ADAM17: variants seen among roughly 807,000 people sequenced by gnomAD.
ADAM17 encodes ADAM metallopeptidase domain 17, also known as disintegrin and metalloproteinase domain-containing protein 17.
Under a neutral mutation model 96.7 loss-of-function variants are expected in ADAM17, and 39 were observed. The ratio of observed to expected loss-of-function variants is 0.40; its 90% confidence interval spans 0.31 to 0.53. The LOEUF is 0.53. ADAM17 is among the 20% of genes least tolerant of loss of function. The pLI is 0.44. For synonymous variants in ADAM17, 344 were observed against 359.2 expected, an observed-to-expected ratio of 0.96 and a Z score of 0.48; for missense variants, 777 against 1,013.2, an observed-to-expected ratio of 0.77 and a Z score of 3.17.
At chr2:9,493,547 CTG>C (rs1361861119) in intron 16 of ADAM17, among the ~76,000 whole-genome samples, 198 bp downstream of exon 16, 1 of 152,202 alleles carries the variant, frequency 6.6e-6, no homozygotes, top group African/African-American at 2.4e-5. Flanking sequence ...GTCAGAAAAT[CTG>C]TGCATCCAAG....
intron 4 of ADAM17, among the ~76,000 whole-genome samples, chr2:9,531,523 A>G (rs922716442): frequency 6.6e-6 from 1 of 151,884 alleles, no homozygotes; most frequent in African/African-American, 2.4e-5. Flanking sequence ...CCAACGTGGC[A>G]AAACCCTGTC....
At chr2:9,543,306 G>C in intron 1 of ADAM17, 21 bp from the exon 2 acceptor site, 1 of 1,566,064 alleles carries the variant, frequency 6.4e-7, no homozygotes, top group Non-Finnish European at 8.6e-7. Context: ...GGTAAAAAAG[G>C]TATTAGCATC....
chr2:9,488,516 T>G lies in ADAM17; in HGVS notation c.*1661A>C. ...TTTCGACAGTATTTATTAATGCAGA[T>G]ATCAGTGCTACAGCTATAAAATATA... On this transcript the variant is annotated 3_prime_UTR_variant, in exon 19 of 19. Transcript: ENST00000310823. 1 of 479,240 alleles carries G rather than the reference T, an allele frequency of 2.1e-6. No homozygotes were observed. Among genetic ancestry groups the G allele is most frequent in the Non-Finnish European group, 3.6e-6 (1 of 274,652 alleles). The allele number at this position is 479,240 out of a possible 1,614,324, so 29.7% of individuals were successfully genotyped here. A position where few individuals can be genotyped will look rare whatever the true frequency, so the allele number is the denominator to read the frequency against.
intron 13 of ADAM17, among the ~76,000 whole-genome samples, chr2:9,500,812 G>C (rs1400182421): frequency 6.6e-6 from 1 of 152,130 alleles, no homozygotes; most frequent in African/African-American, 2.4e-5. Context: ...ACATAGCTTT[G>C]AAATTTTTAA....
chr2:9,525,466 TAAC>T (rs1343032171), intron 6 of ADAM17, among the ~76,000 whole-genome samples: 4 of 152,190 alleles, frequency 2.6e-5, no homozygotes, highest in East Asian at 3.8e-4. Flanking sequence ...ATTCCCTCAG[TAAC>T]AACATTTTGG....
At chr2:9,494,812 T>G (rs767461269) in intron 14 of ADAM17, 45 bp from the exon 15 acceptor site, 1 of 1,605,494 alleles carries the variant, frequency 6.2e-7, no homozygotes, top group Non-Finnish European at 8.5e-7. Context: ...TTCTGAGACC[T>G]GCCTCTCCTC....
chr2:9,525,150 G>A (rs1382572901), intron 6 of ADAM17, among the ~76,000 whole-genome samples: 2 of 152,010 alleles, frequency 1.3e-5, no homozygotes, highest in African/African-American at 4.8e-5. Context: ...CACTTGATAT[G>A]GGGCCGAGTG....
At chr2:9,534,840 T>C (rs1028755099) in intron 4 of ADAM17, among the ~76,000 whole-genome samples, 2 of 152,186 alleles carry the variant, frequency 1.3e-5, no homozygotes, top group Non-Finnish European at 2.9e-5. Context: ...AAAAAATAAA[T>C]TGATTTGAAA....
At chr2:9,492,134 C>CA (rs1021159427) in intron 17 of ADAM17, among the ~76,000 whole-genome samples, 3 of 152,192 alleles carry the variant, frequency 2.0e-5, no homozygotes, top group African/African-American at 7.2e-5. Flanking sequence ...ACTCCTTTGT[C>CA]ATCAGAGTTG....
chr2:9,541,287 GC>G (rs1272247612), intron 2 of ADAM17, among the ~76,000 whole-genome samples: 1 of 152,182 alleles, frequency 6.6e-6, no homozygotes, highest in Non-Finnish European at 1.5e-5. Flanking sequence ...TTTGGGTCGG[GC>G]ACGGTGGCTC....
intron 1 of ADAM17, among the ~76,000 whole-genome samples, chr2:9,555,187 T>C (rs1665701627): frequency 6.6e-6 from 1 of 151,890 alleles, no homozygotes; most frequent in Non-Finnish European, 1.5e-5. Flanking sequence ...CATCTCCCTC[T>C]CCAAACAAGA....
intron 1 of ADAM17, among the ~76,000 whole-genome samples, chr2:9,550,439 C>CTTTTTTTTTTTTTTTTTTTTTT (rs35602755): frequency 1.3e-5 from 1 of 74,164 alleles, no homozygotes; most frequent in African/African-American, 5.7e-5. Flanking sequence ...GATACTCATT[C>CTTTTTTTTTTTTTTTTTTTTTT]TTTTTTTTTT....
At position 9,550,220 on chromosome 2, in the gene ADAM17, A is replaced by G. The variant is rs148663128; in HGVS notation, c.97+5289T>C. Among the ~76,000 whole-genome samples the G allele has an allele frequency of 7.7e-3, 1,166 of 152,200 alleles. 9 individuals are homozygous for G. Among genetic ancestry groups the G allele is most frequent in the Non-Finnish European group, 0.013 (855 of 68,024 alleles). The stretch of plus-strand genomic sequence containing the variant: ...GACCCCAGAGCCTGGGAACTAAACA[A>G]TTTTATGGATTTATACCAGTAAAGG... On this transcript the variant is annotated intron_variant, in intron 1 of 18. Transcript: ENST00000310823.
intron 3 of ADAM17, among the ~76,000 whole-genome samples, chr2:9,536,174 A>C (rs1664952146): frequency 6.6e-6 from 1 of 152,202 alleles, no homozygotes; most frequent in Non-Finnish European, 1.5e-5. Flanking sequence ...CTTCTGGAAT[A>C]ATTTTATCTA....
At chr2:9,514,655 C>T (rs1424124713) in intron 10 of ADAM17, among the ~76,000 whole-genome samples, 8 of 149,192 alleles carry the variant, frequency 5.4e-5, no homozygotes, top group African/African-American at 2.0e-4. Context: ...GGGCAGATCA[C>T]AAGGTCAGGA....
intron 2 of ADAM17, among the ~76,000 whole-genome samples, chr2:9,539,195 C>CCT (rs1665108711): frequency 6.6e-6 from 1 of 151,846 alleles, no homozygotes; most frequent in Non-Finnish European, 1.5e-5. Flanking sequence ...GCAAGCTCCA[C>CCT]CTCCTGGGTT....
intron 2 of ADAM17, 90 bp from the exon 3 acceptor site, chr2:9,536,918 C>T: frequency 7.0e-7 from 1 of 1,421,280 alleles, no homozygotes. Flanking sequence ...AAGCCAGAAG[C>T]ATTGACATTA....
Position 9,543,099 on chromosome 2 carries a change from T to G in ADAM17, c.230+54A>C, listed in dbSNP as rs147481818. ...GTAGATACCCTTACTTTTTTGTTTTTGCCAAACCAAGCCCCCAGTGCCCCA... is the reference window on the plus strand; with the variant it reads ...GTAGATACCCTTACTTTTTTGTTTTGGCCAAACCAAGCCCCCAGTGCCCCA... On this transcript the variant is annotated intron_variant, in intron 2 of 18. Transcript: ENST00000310823. 89 of 1,500,092 alleles carry G rather than the reference T, an allele frequency of 5.9e-5. No homozygotes were observed. In the East Asian group the frequency reaches 2.1e-3, roughly 36 times the overall value. The allele number at this position is 1,500,092 out of a possible 1,614,324, so 92.9% of individuals were successfully genotyped here.
In ADAM17 at chr2:9,488,659, C is replaced by T. The variant is rs1306389097; in HGVS notation, c.*1518G>A. 2 of 177,858 alleles carry T rather than the reference C, an allele frequency of 1.1e-5. No individual in the cohort carries two copies. Among genetic ancestry groups the T allele is most frequent in the African/African-American group, 2.4e-5 (1 of 42,396 alleles). 11.0% of individuals were successfully genotyped at this position (177,858 alleles called of 1,614,324 possible). A position where few individuals can be genotyped will look rare whatever the true frequency, so the allele number is the denominator to read the frequency against. ...GAACTGTTTCACTCATACATACACC[C>T]ACACACCCCACTCAACCTTGTATCA... is the stretch of plus-strand genomic sequence containing the variant. On this transcript the variant is annotated 3_prime_UTR_variant, in exon 19 of 19. Transcript: ENST00000310823.
Sources: gnomAD v4.1 joint callset for allele counts (sites outside exome capture counted in the v4.1 genomes callset) on GRCh38, gnomAD v4.1.1 for gene constraint, MANE v1.5 for transcripts, NCBI Gene and HGNC (gene_info 2026-07-23, HGNC 2026-07-21) for gene names.